PRKRA: variants seen among roughly 807,000 people sequenced by gnomAD.
The protein encoded by PRKRA is interferon-inducible double-stranded RNA-dependent protein kinase activator A.
Under a neutral mutation model 32.4 loss-of-function variants are expected in PRKRA, and 22 were observed. That is an observed-to-expected ratio of 0.68 (90% CI 0.49 to 0.97). The LOEUF is 0.97. PRKRA is among the 50% of genes least tolerant of loss of function. PRKRA has a pLI of 0.00. For synonymous variants in PRKRA, 139 were observed against 129.8 expected, an observed-to-expected ratio of 1.07 and a Z score of -0.48; for missense variants, 319 against 375.6, an observed-to-expected ratio of 0.85 and a Z score of 1.25.
At chr2:178,438,364 T>C (rs1226797310) in intron 6 of PRKRA, among the ~76,000 whole-genome samples, 1 of 152,204 alleles carries the variant, frequency 6.6e-6, no homozygotes, top group East Asian at 1.9e-4. Flanking sequence ...CACCCAAATG[T>C]GGATGTAAAC....
At chr2:178,448,469 G>A (rs1697402252) in intron 2 of PRKRA, among the ~76,000 whole-genome samples, 1 of 152,120 alleles carries the variant, frequency 6.6e-6, no homozygotes. Context: ...CTGTTAATAG[G>A]CACCTGAAGT....
intron 6 of PRKRA, 23 bp downstream of exon 6, chr2:178,441,584 ACAT>A: frequency 1.4e-6 from 1 of 716,586 alleles, no homozygotes; most frequent in South Asian, 1.9e-5. Flanking sequence ...AATGACATTA[ACAT>A]CATAGCTGTC....
Position 178,443,353 on chromosome 2 carries a change from G to A in PRKRA, c.428C>T (p.Pro143Leu). ...TCCCTCCTGGGAAAGGGTATATTCA[G>A]GAAGTCTCCAGCCATGATGAATAGC... ...ELAIHHGWRL[P>L]EYTLSQEGGP... The change falls in exon 5 of 8, where the codon CCT (proline) becomes CTT (leucine). Residue 143 changes from proline (P) to leucine (L), a missense_variant. By Grantham distance (98) the Pro-to-Leu change is moderately conservative. Transcript: ENST00000325748. The A allele has an allele frequency of 6.2e-7, 1 of 1,612,880 alleles. No homozygotes were observed. The highest frequency in any genetic ancestry group is 8.5e-7 in the Non-Finnish European group (1 of 1,178,960).
intron 7 of PRKRA, among the ~76,000 whole-genome samples, chr2:178,435,922 T>C (rs971088160): frequency 2.0e-5 from 3 of 152,254 alleles, no homozygotes; most frequent in Admixed American, 6.5e-5. Context: ...TTTGCTATTG[T>C]TGTTTTTGTT....
intron 6 of PRKRA, 53 bp downstream of exon 6, chr2:178,441,557 T>C: frequency 9.4e-7 from 1 of 1,067,102 alleles, no homozygotes; most frequent in South Asian, 1.5e-5. Flanking sequence ...GAAAGTTTCC[T>C]ACTGCAAGAA....
At chr2:178,444,352 T>C (rs765981444) in intron 4 of PRKRA, 70 bp downstream of exon 4, 168 of 1,256,060 alleles carry the variant, frequency 1.3e-4, no homozygotes, top group Admixed American at 2.6e-4. Flanking sequence ...ATTAATTCCT[T>C]GTGTTAGCCC....
intron 1 of PRKRA, chr2:178,450,756 G>A (rs1045539534): frequency 1.5e-6 from 2 of 1,344,012 alleles, no homozygotes; most frequent in South Asian, 2.0e-5. Context: ...CGCCCGCCCC[G>A]CGCGCCGCCA....
intron 7 of PRKRA, chr2:178,434,230 C>G (rs563738826): frequency 6.6e-6 from 1 of 151,972 alleles, no homozygotes; most frequent in African/African-American, 2.4e-5. Flanking sequence ...CCCACCTGAG[C>G]CTCCCGAGTA....
chr2:178,446,107 C>T (rs1364125800), intron 3 of PRKRA, among the ~76,000 whole-genome samples: 2 of 151,868 alleles, frequency 1.3e-5, no homozygotes, highest in African/African-American at 4.8e-5. Context: ...CTCCGCCTCC[C>T]GGGTTCAAGC....
chr2:178,436,864 C>T (rs953679912), intron 6 of PRKRA, among the ~76,000 whole-genome samples: 1 of 152,128 alleles, frequency 6.6e-6, no homozygotes, highest in African/African-American at 2.4e-5. Context: ...AAGTTCTTAT[C>T]AGACTTCTAT....
Position 178,443,292 on chromosome 2 carries a change from G to A in PRKRA, c.489C>T (p.Cys163=), listed in dbSNP as rs780916491. 56 of 1,609,416 alleles carry A rather than the reference G, an allele frequency of 3.5e-5. No individual in the cohort carries two copies. The highest frequency in any genetic ancestry group is 4.5e-5 in the Non-Finnish European group (53 of 1,175,856). Residue 163 remains cysteine, a synonymous_variant, in exon 5 of 8, where the codon TGC becomes TGT. Coordinates refer to ENST00000325748, the MANE Select transcript of PRKRA (RefSeq NM_003690.5). ...CAGTTTCCATAAATGACTCTAGCCT[G>A]CAAATTGTAGTATATTCTCTCTTAT... The part of the protein sequence containing the change: ...PAHKREYTTI[C]RLESFMETGK...
chr2:178,443,433 A>G (rs1354751539), intron 4 of PRKRA, 49 bp from the exon 5 acceptor site: 11 of 816,398 alleles, frequency 1.3e-5, no homozygotes, highest in Non-Finnish European at 2.0e-5. Context: ...CAATGGCTCA[A>G]TCACATAAGT....
intron 6 of PRKRA, chr2:178,439,134 A>G (rs946585587): frequency 6.6e-6 from 1 of 152,192 alleles, no homozygotes; most frequent in Non-Finnish European, 1.5e-5. Context: ...TACAATTTAA[A>G]TTGGGATCTT....
intron 6 of PRKRA, chr2:178,440,024 T>C (rs1697055137): frequency 6.6e-6 from 1 of 152,138 alleles, no homozygotes; most frequent in Non-Finnish European, 1.5e-5. Flanking sequence ...ATGTTGGTTT[T>C]GGAGAATAAA....
In PRKRA at chr2:178,436,064, ATTCCTCAAACACATTTTTG is replaced by A. The variant is rs1409373145; in HGVS notation, c.784+62_784+80del. On this transcript the variant is annotated intron_variant, in intron 7 of 7. Coordinates refer to ENST00000325748, the MANE Select transcript of PRKRA (RefSeq NM_003690.5). Reference sequence around the variant, plus strand: ...AAAATAAATTGTAATAGAAATTTTTATTCCTCAAACACATTTTTGTTCCTCAAACACATTTTTAAATAAA... The same window carrying A: ...AAAATAAATTGTAATAGAAATTTTTATTCCTCAAACACATTTTTAAATAAA... 2.0e-5 allele frequency: 20 copies of A among 1,001,320 alleles called. No homozygotes were observed. The Admixed American group carries it at 2.3e-4, about 12-fold the overall frequency. The allele number at this position is 1,001,320 out of a possible 1,614,324, so 62.0% of individuals were successfully genotyped here.
intron 3 of PRKRA, among the ~76,000 whole-genome samples, chr2:178,446,992 C>CAA (rs780283451): frequency 0.01 from 448 of 44,746 alleles, 15 homozygotes; most frequent in East Asian, 0.053. Context: ...GACTCCGTCT[C>CAA]AAAAAAAAAA....
In PRKRA at chr2:178,443,378, C is replaced by G; in HGVS notation, c.403G>C (p.Ala135Pro). Reference protein sequence around the residue: ...LNPIGSLQELAIHHGWRLPEY... With the variant: ...LNPIGSLQELPIHHGWRLPEY... ...GGAAGTCTCCAGCCATGATGAATAG[C>G]CAATTCCTATAAAATCAAGATGAGG... Residue 135 changes from alanine (A) to proline (P), a missense_variant, in exon 5 of 8, where the codon GCT (alanine) becomes CCT (proline). By Grantham distance (27) the Ala-to-Pro change is conservative. Coordinates refer to ENST00000325748, the MANE Select transcript of PRKRA (RefSeq NM_003690.5). 1 of 1,600,186 alleles carries G rather than the reference C, an allele frequency of 6.2e-7. No individual in the cohort carries two copies. The highest frequency in any genetic ancestry group is 8.6e-7 in the Non-Finnish European group (1 of 1,167,594).
Position 178,451,107 on chromosome 2 carries a change from C to CGGG in PRKRA, c.-80_-78dup. ...GCTCGCTCCCCGGGTCGCTGGTCCCCGGGAGGAGCTCCAGCGCCGCCACCT... is the reference window on the plus strand; with the variant it reads ...GCTCGCTCCCCGGGTCGCTGGTCCCCGGGGGGAGGAGCTCCAGCGCCGCCACCT... On this transcript the variant is annotated 5_prime_UTR_variant, in exon 1 of 8. Coordinates refer to ENST00000325748, the MANE Select transcript of PRKRA (RefSeq NM_003690.5). 6.8e-7 allele frequency: 1 copy of CGGG among 1,481,200 alleles called. No homozygotes were observed. The highest frequency in any genetic ancestry group is 9.0e-7 in the Non-Finnish European group (1 of 1,109,298). 91.8% of individuals were successfully genotyped at this position (1,481,200 alleles called of 1,614,324 possible). A position where few individuals can be genotyped will look rare whatever the true frequency, so the allele number is the denominator to read the frequency against.
chr2:178,450,530 C>G, intron 1 of PRKRA, 119 bp from the exon 2 acceptor site: 1 of 1,577,340 alleles, frequency 6.3e-7, no homozygotes, highest in Non-Finnish European at 8.6e-7. Flanking sequence ...TCCCCGGAGG[C>G]CAGGGCCAGA....
Sources: gnomAD v4.1 joint callset for allele counts (sites outside exome capture counted in the v4.1 genomes callset) on GRCh38, gnomAD v4.1.1 for gene constraint, MANE v1.5 for transcripts, NCBI Gene and HGNC (gene_info 2026-07-23, HGNC 2026-07-21) for gene names.